The following RETREG1 variants were observed in gnomAD, a reference collection of about 807,000 sequenced individuals.
The protein encoded by RETREG1 is family with sequence similarity 134 member B.
A neutral mutation model predicts 54.8 loss-of-function variants in RETREG1; 44 were observed. The observed-to-expected ratio is 0.80, with a 90% CI of 0.63 to 1.03. RETREG1 has a LOEUF of 1.03. RETREG1 is among the 50% of genes least tolerant of loss of function. The pLI, the probability that RETREG1 is intolerant of heterozygous loss-of-function variation, is 0.00. For missense variants in RETREG1, 554 were observed against 605.1 expected (o/e 0.92, Z 0.89); for synonymous variants, 217 against 238.5 (o/e 0.91, Z 0.83).
At chr5:16,537,313 G>A (rs903379485) in intron 3 of RETREG1, among the ~76,000 whole-genome samples, 23 of 152,216 alleles carry the variant, frequency 1.5e-4, no homozygotes, top group East Asian at 1.9e-4. Flanking sequence ...AACCGCAGGC[G>A]TGAGGCTCAG....
chr5:16,501,851 G>A (rs1739729596), intron 3 of RETREG1, among the ~76,000 whole-genome samples: 1 of 149,130 alleles, frequency 6.7e-6, no homozygotes, highest in African/African-American at 2.5e-5. Context: ...AGCCTGGCCT[G>A]CATTTTTTTA....
At chr5:16,522,793 C>T (rs940742932) in intron 3 of RETREG1, among the ~76,000 whole-genome samples, 7 of 152,006 alleles carry the variant, frequency 4.6e-5, no homozygotes, top group Non-Finnish European at 8.8e-5. Flanking sequence ...TCGCTTGAGC[C>T]CAGAAGTTCA....
At chr5:16,510,942 C>T (rs1177718143) in intron 3 of RETREG1, among the ~76,000 whole-genome samples, 1 of 150,882 alleles carries the variant, frequency 6.6e-6, no homozygotes, top group Non-Finnish European at 1.5e-5. Context: ...TTCTAGCTTA[C>T]TATTTCTTGC....
At chr5:16,509,176 G>A (rs1239125567) in intron 3 of RETREG1, among the ~76,000 whole-genome samples, 2 of 152,034 alleles carry the variant, frequency 1.3e-5, no homozygotes, top group African/African-American at 4.8e-5. Context: ...CAGCAAAACA[G>A]GCTGTACCTG....
intron 8 of RETREG1, among the ~76,000 whole-genome samples, chr5:16,475,995 T>C (rs1460729052): frequency 1.3e-5 from 2 of 152,226 alleles, no homozygotes; most frequent in East Asian, 3.8e-4. Flanking sequence ...ATTATTATTG[T>C]CTCTTTTGTT....
chr5:16,547,737 G>C (rs1363414856), intron 3 of RETREG1, among the ~76,000 whole-genome samples: 1 of 152,122 alleles, frequency 6.6e-6, no homozygotes, highest in African/African-American at 2.4e-5. Flanking sequence ...CTCTGAATAT[G>C]TGAACACGCA....
chr5:16,489,418 TA>T (rs1228054172), intron 3 of RETREG1, among the ~76,000 whole-genome samples: 2 of 152,168 alleles, frequency 1.3e-5, no homozygotes, highest in Non-Finnish European at 2.9e-5. Context: ...TATTCTCCAT[TA>T]GGGGGTTCTG....
chr5:16,598,457 C>T lies in RETREG1; in HGVS notation c.320+18195G>A, dbSNP rs149015949. Among the ~76,000 whole-genome samples the T allele has an allele frequency of 2.9e-3, 438 of 152,280 alleles. 4 individuals are homozygous for T. Among genetic ancestry groups the T allele is most frequent in the African/African-American group, 0.01 (422 of 41,550 alleles). Reference sequence around the variant, plus strand: ...ATTTGCTAATGAAACAAACCAGGGCCGTGTTACTCACTGTCACCCTCGGAG... The same window carrying T: ...ATTTGCTAATGAAACAAACCAGGGCTGTGTTACTCACTGTCACCCTCGGAG... On this transcript the variant is annotated intron_variant, in intron 1 of 8. Transcript: ENST00000306320.
chr5:16,595,515 TACA>T (rs561890935), intron 1 of RETREG1, among the ~76,000 whole-genome samples: 124 of 152,338 alleles, frequency 8.1e-4, no homozygotes, highest in African/African-American at 2.9e-3. Flanking sequence ...GTTACGAGCA[TACA>T]ACAAAATGTT....
At position 16,475,055 on chromosome 5, in the gene RETREG1, C is replaced by T. The variant is rs1738475554; in HGVS notation, c.1180G>A (p.Ala394Thr). 1.9e-6 allele frequency: 3 copies of T among 1,613,920 alleles called. No homozygotes were observed. Among genetic ancestry groups the T allele is most frequent in the Non-Finnish European group, 2.5e-6 (3 of 1,179,910 alleles). The change falls in exon 9 of 9, where the codon GCT becomes ACT. Residue 394 changes from alanine to threonine, a missense_variant. Ala to Thr is a moderately conservative substitution (Grantham distance 58). Around this residue, in one of 4 missense-constraint regions of RETREG1, gnomAD observed 347 missense variants for 412.3 expected, o/e 0.84. Coordinates refer to ENST00000306320, the MANE Select transcript of RETREG1 (RefSeq NM_001034850.3). Reference sequence around the variant, plus strand: ...CTGTTCAGAGGAAGGGTGAGACCAGCTGCTGATTGCGTCTCTTTGCTTGGT... The same window carrying T: ...CTGTTCAGAGGAAGGGTGAGACCAGTTGCTGATTGCGTCTCTTTGCTTGGT... ...HRPSKETQSAAGLTLPLNSDQ... is the reference protein window; with the variant it reads ...HRPSKETQSATGLTLPLNSDQ...
intron 3 of RETREG1, among the ~76,000 whole-genome samples, chr5:16,498,440 C>A (rs905682140): frequency 6.6e-6 from 1 of 152,198 alleles, no homozygotes; most frequent in Non-Finnish European, 1.5e-5. Context: ...GGGCCAGGCA[C>A]AGTAGCTCAC....
At chr5:16,520,317 G>GTT (rs1239879242) in intron 3 of RETREG1, among the ~76,000 whole-genome samples, 132 of 84,896 alleles carry the variant, frequency 1.6e-3, no homozygotes, top group East Asian at 5.6e-3. Flanking sequence ...GGGTTTTGTG[G>GTT]TTTTTTTTTT....
chr5:16,496,248 G>A (rs781294327), intron 3 of RETREG1, among the ~76,000 whole-genome samples: 11 of 152,176 alleles, frequency 7.2e-5, no homozygotes, highest in Non-Finnish European at 1.5e-4. Context: ...AAGCAACAGT[G>A]GTCTAAACAA....
At chr5:16,480,695 A>G (rs1345027568) in intron 5 of RETREG1, among the ~76,000 whole-genome samples, 1 of 152,118 alleles carries the variant, frequency 6.6e-6, no homozygotes, top group Non-Finnish European at 1.5e-5. Context: ...TTTGAGCCAA[A>G]GAACACGCAC....
chr5:16,549,388 G>T (rs932182556), intron 3 of RETREG1, among the ~76,000 whole-genome samples: 1 of 152,018 alleles, frequency 6.6e-6, no homozygotes, highest in Non-Finnish European at 1.5e-5. Flanking sequence ...AAGTAGAAAT[G>T]GTCCATCTCA....
chr5:16,501,888 A>T (rs1277643622), intron 3 of RETREG1, among the ~76,000 whole-genome samples: 1 of 151,578 alleles, frequency 6.6e-6, no homozygotes, highest in East Asian at 2.0e-4. Context: ...CCAGATGGCA[A>T]GTACTACCAG....
chr5:16,491,396 C>T (rs1410591138), intron 3 of RETREG1, among the ~76,000 whole-genome samples: 1 of 152,224 alleles, frequency 6.6e-6, no homozygotes, highest in Non-Finnish European at 1.5e-5. Flanking sequence ...TTGGACAGTG[C>T]TCTGTCTTCA....
At chr5:16,541,975 G>A (rs921942100) in intron 3 of RETREG1, among the ~76,000 whole-genome samples, 10 of 152,060 alleles carry the variant, frequency 6.6e-5, no homozygotes, top group African/African-American at 9.7e-5. Context: ...TGTGTTCAGG[G>A]GCCACTATGT....
At chr5:16,550,909 A>C (rs959776306) in intron 3 of RETREG1, among the ~76,000 whole-genome samples, 2 of 152,106 alleles carry the variant, frequency 1.3e-5, no homozygotes, top group East Asian at 1.9e-4. Flanking sequence ...AAATCCATAG[A>C]GGGGGAAGCA....
Sources: allele counts gnomAD v4.1 joint callset (sites outside exome capture counted in the v4.1 genomes callset), GRCh38; gene constraint gnomAD v4.1.1; regional missense constraint gnomAD v4.1.1; transcripts MANE v1.5; gene names NCBI Gene and HGNC (gene_info 2026-07-23, HGNC 2026-07-21).